The following DAB1 variants were observed in gnomAD, a reference collection of about 807,000 sequenced individuals.
DAB1 encodes disabled homolog 1.
Under a neutral mutation model 64.6 loss-of-function variants are expected in DAB1, and 15 were observed. The observed-to-expected ratio is 0.23, with a 90% CI of 0.16 to 0.36. The LOEUF (loss-of-function observed/expected upper bound fraction) is 0.36. Among genes scored for constraint, DAB1 ranks in the 10% least tolerant of loss-of-function variants. DAB1 has a pLI of 1.00. For missense variants in DAB1, 596 were observed against 706.7 expected (o/e 0.84, Z 1.78); for synonymous variants, 235 against 251.9 (o/e 0.93, Z 0.64).
At chr1:57,227,519 T>G (rs536041010) in intron 2 of DAB1, among the ~76,000 whole-genome samples, 1,867 of 135,904 alleles carry the variant, frequency 0.014, 114 homozygotes, top group African/African-American at 0.047. Flanking sequence ...TTTTTTTCTT[T>G]TGTGTGTGTG....
At chr1:57,734,000 C>T (rs1397620129) in intron 6 of DAB1, among the ~76,000 whole-genome samples, 3 of 152,104 alleles carry the variant, frequency 2.0e-5, no homozygotes, top group Admixed American at 6.5e-5. Flanking sequence ...TTTCCACCAA[C>T]CCAGGCATGA....
rs574475747 is a variant in DAB1 at position 57,264,905 on chromosome 1, CTTACATTTGTAGTCTT to C, written c.67+26043_67+26058del. Among the ~76,000 whole-genome samples, 93 of 152,314 alleles carry C rather than the reference CTTACATTTGTAGTCTT, an allele frequency of 6.1e-4. 1 individual carries two copies. In the South Asian group the frequency reaches 0.017, roughly 27 times the overall value. ...ATAGTAATCTCAGAAAAAATAACTGCTTACATTTGTAGTCTTTGTCTGTTTCCAAGGAGTTTTACTG... is the reference window on the plus strand; with the variant it reads ...ATAGTAATCTCAGAAAAAATAACTGCTGTCTGTTTCCAAGGAGTTTTACTG... On this transcript the variant is annotated intron_variant, in intron 2 of 14. Coordinates refer to ENST00000371236, the MANE Select transcript of DAB1 (RefSeq NM_001365792.1).
At chr1:57,616,908 G>T (rs1033622066) in intron 7 of DAB1, among the ~76,000 whole-genome samples, 4 of 152,182 alleles carry the variant, frequency 2.6e-5, no homozygotes, top group Non-Finnish European at 4.4e-5. Context: ...GGTGGCAGAG[G>T]ATTGGTAACT....
chr1:57,577,519 T>C (rs1236625374), intron 7 of DAB1, among the ~76,000 whole-genome samples: 1 of 152,212 alleles, frequency 6.6e-6, no homozygotes, highest in Non-Finnish European at 1.5e-5. Context: ...TTTTATCATT[T>C]AGTTCTCACT....
intron 5 of DAB1, among the ~76,000 whole-genome samples, chr1:57,939,427 G>A (rs1183134243): frequency 6.6e-6 from 1 of 152,122 alleles, no homozygotes; most frequent in Non-Finnish European, 1.5e-5. Flanking sequence ...TGTATATTTA[G>A]GTTTACTCAG....
intron 2 of DAB1, among the ~76,000 whole-genome samples, chr1:57,148,032 T>G (rs1659316464): frequency 6.6e-6 from 1 of 152,206 alleles, no homozygotes; most frequent in African/African-American, 2.4e-5. Flanking sequence ...CCCATCTTTA[T>G]CTTGACCAAA....
chr1:57,363,494 T>C (rs924123958), intron 1 of DAB1, among the ~76,000 whole-genome samples: 1 of 152,184 alleles, frequency 6.6e-6, no homozygotes, highest in Non-Finnish European at 1.5e-5. Flanking sequence ...TGTGCCTCAA[T>C]TCCCTACACT....
At chr1:57,136,859 A>G (rs1166945346) in intron 3 of DAB1, among the ~76,000 whole-genome samples, 1 of 152,138 alleles carries the variant, frequency 6.6e-6, no homozygotes, top group Non-Finnish European at 1.5e-5. Flanking sequence ...ATAGAGAAAT[A>G]TTTGAATGTT....
At chr1:58,002,140 G>C (rs1646515777) in intron 5 of DAB1, among the ~76,000 whole-genome samples, 1 of 152,144 alleles carries the variant, frequency 6.6e-6, no homozygotes, top group African/African-American at 2.4e-5. Context: ...AGCTTTTGTT[G>C]CTTTAAGTCA....
rs933042153 is a variant in DAB1, at chr1:58,183,131, G to A, written n.310-32543C>T. 1.4e-4 allele frequency among the ~76,000 whole-genome samples: 22 copies of A among 151,974 alleles called. 1 individual carries two copies. Among genetic ancestry groups the A allele is most frequent in the Admixed American group, 4.6e-4 (7 of 15,238 alleles). Reference sequence around the variant, plus strand: ...GATTACCCCTGGTAAGCATAGTGTAGTGATCATGTTGAGTGGTCAGAGGCA... The same window carrying A: ...GATTACCCCTGGTAAGCATAGTGTAATGATCATGTTGAGTGGTCAGAGGCA... On this transcript the variant is annotated intron_variant and non_coding_transcript_variant, in intron 4 of 20. Coordinates refer to the DAB1 transcript ENST00000485760.
chr1:57,748,944 C>G (rs554803373), intron 6 of DAB1, among the ~76,000 whole-genome samples: 1 of 152,342 alleles, frequency 6.6e-6, no homozygotes, highest in Admixed American at 6.5e-5. Context: ...AATAGAGACT[C>G]ATTGCCCACA....
rs1177402071 is a variant in DAB1, at chr1:57,776,963, A to C, written n.551+107036T>G. ...ATACAATTTTCCTTCTATCTGAAAA[A>C]TTTCATTTAATGCTACTTGTATTCT... On this transcript the variant is annotated intron_variant and non_coding_transcript_variant, in intron 6 of 20. Transcript: ENST00000485760. 4.0e-5 allele frequency among the ~76,000 whole-genome samples: 6 copies of C among 151,834 alleles called. No homozygotes were observed. The South Asian group carries it at 1.2e-3, about 32-fold the overall frequency.
chr1:58,042,340 C>T (rs1440241570), intron 5 of DAB1, among the ~76,000 whole-genome samples: 1 of 152,142 alleles, frequency 6.6e-6, no homozygotes, highest in East Asian at 1.9e-4. Flanking sequence ...TTTTGAACCT[C>T]TAACTTTTAG....
chr1:58,193,156 T>C (rs1004726172), intron 4 of DAB1, among the ~76,000 whole-genome samples: 2 of 152,110 alleles, frequency 1.3e-5, no homozygotes, highest in Non-Finnish European at 2.9e-5. Context: ...CATGAGTAGA[T>C]TAGTGCCCTC....
chr1:57,990,207 G>C (rs1228581188), intron 5 of DAB1, among the ~76,000 whole-genome samples: 1 of 152,176 alleles, frequency 6.6e-6, no homozygotes, highest in Non-Finnish European at 1.5e-5. Context: ...CCAAAATAAT[G>C]ATGCTGCTGA....
intron 4 of DAB1, among the ~76,000 whole-genome samples, chr1:58,300,610 A>AAGAAAGAAAGAGAGAG (rs1271283598): frequency 2.1e-5 from 1 of 47,006 alleles, no homozygotes; most frequent in Non-Finnish European, 4.8e-5. Context: ...GAAAGAAAGA[A>AAGAAAGAAAGAGAGAG]AGAGAGAGAG....
chr1:58,371,739 C>T (rs966577756), intron 3 of DAB1, among the ~76,000 whole-genome samples: 1 of 152,252 alleles, frequency 6.6e-6, no homozygotes, highest in East Asian at 1.9e-4. Flanking sequence ...TGACCTGCAT[C>T]GCAGCTGCTC....
At chr1:57,420,037 T>C (rs953816296) in intron 1 of DAB1, among the ~76,000 whole-genome samples, 6 of 152,218 alleles carry the variant, frequency 3.9e-5, no homozygotes, top group African/African-American at 1.2e-4. Flanking sequence ...ACAGAGTAAA[T>C]AGATGTGAAC....
intron 1 of DAB1, among the ~76,000 whole-genome samples, chr1:57,386,099 C>T (rs3896423): frequency 0.03 from 4,557 of 152,216 alleles, 216 homozygotes; most frequent in African/African-American, 0.1. Context: ...TCCCACCTCA[C>T]TGGGTTGCTG....
Sources: gnomAD v4.1 joint callset for allele counts (sites outside exome capture counted in the v4.1 genomes callset) on GRCh38, gnomAD v4.1.1 for gene constraint, MANE v1.5 for transcripts, NCBI Gene and HGNC (gene_info 2026-07-23, HGNC 2026-07-21) for gene names.